The following HELLS variants were observed in gnomAD, a reference collection of about 807,000 sequenced individuals.
HELLS encodes the protein lymphoid-specific helicase.
A neutral mutation model predicts 120.0 loss-of-function variants in HELLS; 32 were observed. The ratio of observed to expected loss-of-function variants is 0.27; its 90% CI spans 0.20 to 0.36. The LOEUF (loss-of-function observed/expected upper bound fraction) is 0.36. Ranked by LOEUF, HELLS falls within the 10% of genes least tolerant of loss-of-function variation. HELLS has a pLI of 1.00. For missense variants in HELLS, 650 were observed against 993.4 expected, an observed-to-expected ratio of 0.65 and a Z score of 4.65; for synonymous variants, 341 against 323.4, an observed-to-expected ratio of 1.05 and a Z score of -0.58.
At chr10:94,576,471 GT>G (rs200148179) in intron 9 of HELLS, among the ~76,000 whole-genome samples, 190 bp from the exon 10 acceptor site, 2 of 147,996 alleles carry the variant, frequency 1.4e-5, no homozygotes, top group Admixed American at 1.4e-4. Context: ...TTTTTTGTTT[GT>G]TTTTTTTTCA....
intron 9 of HELLS, among the ~76,000 whole-genome samples, chr10:94,575,811 G>C (rs2134059472): frequency 7.3e-6 from 1 of 136,944 alleles, no homozygotes; most frequent in Non-Finnish European, 1.6e-5. Flanking sequence ...GTGTGTGTGT[G>C]TGTATGACAG....
At chr10:94,611,629 CT>C (rs2134147042) in exon 10 of HELLS, 1 of 152,272 alleles carries the variant, frequency 6.6e-6, no homozygotes, top group African/African-American at 2.4e-5. Context: ...CCAAGTCACA[CT>C]TGTGTCATTT....
exon 10 of HELLS, chr10:94,611,491 T>C (rs145079320): frequency 1.6e-4 from 24 of 152,310 alleles, no homozygotes; most frequent in African/African-American, 5.5e-4. Flanking sequence ...AGAAAGTACT[T>C]GAGCAGAAGA....
chr10:94,550,747 G>A (rs955405719), intron 2 of HELLS, among the ~76,000 whole-genome samples: 1 of 152,174 alleles, frequency 6.6e-6, no homozygotes, highest in East Asian at 2.0e-4. Flanking sequence ...AAAACTAGCC[G>A]GCATGGTGGC....
intron 1 of HELLS, 108 bp downstream of exon 1, chr10:94,546,060 A>C: frequency 2.3e-6 from 3 of 1,292,804 alleles, no homozygotes; most frequent in Non-Finnish European, 3.3e-6. Context: ...CCGGGCAGGG[A>C]CTGAGGAGGA....
At chr10:94,554,658 T>TTG (rs1383459047) in intron 3 of HELLS, among the ~76,000 whole-genome samples, 2 of 149,666 alleles carry the variant, frequency 1.3e-5, no homozygotes, top group African/African-American at 4.9e-5. Flanking sequence ...TTTTTTTTGT[T>TTG]TTTTTTTTTT....
exon 10 of HELLS, chr10:94,611,633 T>C (rs1016565949): frequency 1.3e-5 from 2 of 152,152 alleles, no homozygotes; most frequent in Admixed American, 1.3e-4. Context: ...GTCACACTTG[T>C]GTCATTTCTT....
At chr10:94,609,315 G>A (rs930686020) in intron 9 of HELLS, among the ~76,000 whole-genome samples, 13 of 152,056 alleles carry the variant, frequency 8.5e-5, no homozygotes, top group Non-Finnish European at 1.5e-4. Flanking sequence ...GAGCCACTGC[G>A]CCCAGTATAT....
exon 10 of HELLS, chr10:94,611,183 C>CTT (rs1390858428): frequency 6.6e-6 from 1 of 152,146 alleles, no homozygotes; most frequent in Admixed American, 6.5e-5. Context: ...TGCATAGTAG[C>CTT]TAAGGCCTGG....
intron 3 of HELLS, among the ~76,000 whole-genome samples, chr10:94,556,782 T>C (rs1412149239): frequency 6.6e-6 from 1 of 152,256 alleles, no homozygotes; most frequent in African/African-American, 2.4e-5. Context: ...TTTTTTTCTT[T>C]AGTACTTTAT....
chr10:94,553,811 G>A (rs1033760981), intron 2 of HELLS, among the ~76,000 whole-genome samples: 1 of 152,148 alleles, frequency 6.6e-6, no homozygotes, highest in African/African-American at 2.4e-5. Flanking sequence ...GCCTCCCAAA[G>A]TGCTGGGATT....
intron 5 of HELLS, 41 bp downstream of exon 5, chr10:94,562,768 A>G (rs1369108281): frequency 1.9e-6 from 3 of 1,548,046 alleles, no homozygotes; most frequent in Non-Finnish European, 2.6e-6. Context: ...ATGCGTTTAT[A>G]TTTCTATTTT....
intron 7 of HELLS, among the ~76,000 whole-genome samples, chr10:94,572,716 G>A (rs1267638006): frequency 7.2e-5 from 11 of 152,070 alleles, no homozygotes; most frequent in Non-Finnish European, 1.0e-4. Context: ...GTTGTGTTAC[G>A]TGGCAAATGT....
At chr10:94,608,553 TC>T (rs1269624439) in intron 9 of HELLS, among the ~76,000 whole-genome samples, 1 of 152,152 alleles carries the variant, frequency 6.6e-6, no homozygotes, top group East Asian at 1.9e-4. Flanking sequence ...CAAAGAAAGG[TC>T]TCTTTCATTT....
At chr10:94,570,721 G>T (rs1564592484) in intron 6 of HELLS, 1 of 151,758 alleles carries the variant, frequency 6.6e-6, no homozygotes, top group Non-Finnish European at 1.5e-5. Flanking sequence ...GCATCTAGTA[G>T]GTACTTCAAA....
intron 1 of HELLS, 127 bp from the exon 2 acceptor site, chr10:94,546,250 T>A: frequency 9.0e-7 from 1 of 1,106,204 alleles, no homozygotes; most frequent in Non-Finnish European, 1.3e-6. Context: ...GAGGTGATGC[T>A]GGCGTCCCCT....
At chr10:94,583,490 G>C (rs1210005589) in intron 12 of HELLS, among the ~76,000 whole-genome samples, 1 of 152,034 alleles carries the variant, frequency 6.6e-6, no homozygotes, top group Non-Finnish European at 1.5e-5. Flanking sequence ...AGTCATATGG[G>C]CCTGAAAAGC....
At position 94,574,728 on chromosome 10, in the gene HELLS, A is replaced by G; in HGVS notation, c.880A>G (p.Thr294Ala). 1 of 1,611,852 alleles carries G rather than the reference A, an allele frequency of 6.2e-7. No homozygotes were observed. The highest frequency in any genetic ancestry group is 8.5e-7 in the Non-Finnish European group (1 of 1,178,632). ...PNWMAEFKRF[T>A]PDIPTMLYHG... is the part of the protein sequence containing the mutation. ...CTGGATGGCTGAATTCAAAAGATTT[A>G]CACCAGATGTAAGACATGCTTCCTT... The change falls in exon 9 of 22, where the codon ACA becomes GCA. Residue 294 changes from threonine to alanine, a missense_variant. By Grantham distance (58) the Thr-to-Ala change is moderately conservative (BLOSUM62 0). This residue lies in a region of HELLS where 61 missense variants were observed against 86.5 expected (regional missense o/e 0.71). Coordinates refer to ENST00000348459, the MANE Select transcript of HELLS (RefSeq NM_018063.5).
chr10:94,578,102 A>G (rs924474044), intron 10 of HELLS, among the ~76,000 whole-genome samples: 2 of 151,398 alleles, frequency 1.3e-5, no homozygotes, highest in African/African-American at 4.8e-5. Context: ...AAAAAATACA[A>G]AAATTAGCTG....
Sources: gnomAD v4.1 joint callset for allele counts (sites outside exome capture counted in the v4.1 genomes callset) on GRCh38, gnomAD v4.1.1 for gene constraint, gnomAD v4.1.1 regional missense constraint, MANE v1.5 for transcripts, NCBI Gene and HGNC (gene_info 2026-07-23, HGNC 2026-07-21) for gene names.